Variants in ADAMTSL1 observed in about 807,000 individuals in gnomAD.
ADAMTSL1 encodes ADAMTS-like protein 1.
A neutral mutation model predicts 201.8 loss-of-function variants in ADAMTSL1; 126 were observed. The ratio of observed to expected loss-of-function variants is 0.62; its 90% CI spans 0.54 to 0.72. The LOEUF (loss-of-function observed/expected upper bound fraction) is 0.72, where lower values mean the gene tolerates loss of function less well. Among genes scored for constraint, ADAMTSL1 ranks in the 30% least tolerant of loss-of-function variants. The pLI, the probability that ADAMTSL1 is intolerant of heterozygous loss-of-function variation, is 0.00. For missense variants in ADAMTSL1, 2,679 were observed against 2,277.8 expected (o/e 1.18, Z -3.59); for synonymous variants, 1,121 against 903.4 (o/e 1.24, Z -4.32).
At chr9:18,446,117 T>C (rs1461912726) in intron 2 of ADAMTSL1, among the ~76,000 whole-genome samples, 2 of 152,118 alleles carry the variant, frequency 1.3e-5, no homozygotes, top group Non-Finnish European at 2.9e-5. Flanking sequence ...ATTAGCTCAA[T>C]TGTGCGATTA....
chr9:18,419,601 C>T (rs1314432457), intron 2 of ADAMTSL1, among the ~76,000 whole-genome samples: 1 of 152,132 alleles, frequency 6.6e-6, no homozygotes, highest in Non-Finnish European at 1.5e-5. Flanking sequence ...CTGTGGAATA[C>T]TACTTAACAA....
chr9:17,999,629 G>A (rs558224383), intron 1 of ADAMTSL1, among the ~76,000 whole-genome samples: 2 of 149,568 alleles, frequency 1.3e-5, no homozygotes, highest in Non-Finnish European at 3.0e-5. Context: ...TATACTTTAA[G>A]TTTTAGGGTA....
chr9:18,138,443 A>G (rs1469450608), intron 1 of ADAMTSL1, among the ~76,000 whole-genome samples: 2 of 152,188 alleles, frequency 1.3e-5, no homozygotes, highest in Non-Finnish European at 2.9e-5. Context: ...AGGAGGCTGT[A>G]GGTTTGCAAA....
chr9:18,238,237 T>G (rs535571529), intron 2 of ADAMTSL1, among the ~76,000 whole-genome samples: 1 of 152,226 alleles, frequency 6.6e-6, no homozygotes, highest in Non-Finnish European at 1.5e-5. Flanking sequence ...GATTCTCCTA[T>G]ATAGTTTTGA....
intron 7 of ADAMTSL1, among the ~76,000 whole-genome samples, chr9:18,644,017 A>G (rs1200816636): frequency 6.6e-6 from 1 of 151,908 alleles, no homozygotes; most frequent in Non-Finnish European, 1.5e-5. Flanking sequence ...ATAACACATG[A>G]TATCTTTCCA....
rs766567659 is a variant in ADAMTSL1 at position 18,636,002 on chromosome 9, G to T, written c.661G>T (p.Gly221Cys). 6.3e-7 allele frequency: 1 copy of T among 1,597,910 alleles called. No homozygotes were observed. The highest frequency in any genetic ancestry group is 8.5e-7 in the Non-Finnish European group (1 of 1,176,216). ...GSRHIRLVLK[G>C]PDHLYLETKT... ...TAGACATATTCGCCTTGTCTTAAAA[G>T]GTCCTGATCACTTATGTAAGTAACT... Residue 221 changes from glycine to cysteine, a missense_variant, in exon 6 of 29, where the codon GGT (glycine) becomes TGT (cysteine). Transcript: ENST00000380548.
intron 2 of ADAMTSL1, among the ~76,000 whole-genome samples, chr9:18,307,318 A>T (rs1833948149): frequency 6.6e-6 from 1 of 152,192 alleles, no homozygotes; most frequent in African/African-American, 2.4e-5. Flanking sequence ...TACCATCATA[A>T]TGACAGGGTC....
intron 1 of ADAMTSL1, among the ~76,000 whole-genome samples, chr9:18,053,340 A>G (rs981621637): frequency 6.6e-6 from 1 of 151,966 alleles, no homozygotes; most frequent in African/African-American, 2.4e-5. Context: ...TTGCACTTTC[A>G]TTCTCTCTCT....
intron 2 of ADAMTSL1, among the ~76,000 whole-genome samples, chr9:18,451,756 T>A (rs1286031726): frequency 3.3e-5 from 5 of 152,236 alleles, no homozygotes; most frequent in Admixed American, 2.0e-4. Flanking sequence ...TACTACAGGC[T>A]ACGTAATTTA....
chr9:18,644,536 C>G lies in ADAMTSL1; in HGVS notation c.834+5125C>G, dbSNP rs544377511. On this transcript the variant is annotated intron_variant, in intron 7 of 28. Coordinates refer to ENST00000380548, the MANE Select transcript of ADAMTSL1 (RefSeq NM_001040272.6). ...ATATCTCCTAATGCTATCCCTCCCC[C>G]CTACCCCCACCCCACAACAGTCCCC... Among the ~76,000 whole-genome samples, 11 of 151,964 alleles carry G rather than the reference C, an allele frequency of 7.2e-5. No individual in the cohort carries two copies. The East Asian group carries it at 1.2e-3, about 16-fold the overall frequency.
intron 15 of ADAMTSL1, among the ~76,000 whole-genome samples, chr9:18,724,809 C>T (rs1460229341): frequency 6.6e-6 from 1 of 152,192 alleles, no homozygotes; most frequent in Non-Finnish European, 1.5e-5. Flanking sequence ...TCTGCATCCT[C>T]CTTATCCCTT....
chr9:18,163,421 C>G (rs1339493089), intron 1 of ADAMTSL1, among the ~76,000 whole-genome samples: 1 of 151,936 alleles, frequency 6.6e-6, no homozygotes, highest in Non-Finnish European at 1.5e-5. Context: ...TGGGCTCAGG[C>G]CAGGCTTTTC....
In ADAMTSL1 at chr9:18,865,436, A is replaced by G. The variant is rs12338857; in HGVS notation, c.4250-22395A>G. Among the ~76,000 whole-genome samples the G allele has an allele frequency of 6.5e-3, 990 of 152,242 alleles. 11 individuals carry two copies. Among genetic ancestry groups the G allele is most frequent in the African/African-American group, 0.022 (898 of 41,534 alleles). On this transcript the variant is annotated intron_variant, in intron 23 of 28. Transcript: ENST00000380548. Reference sequence around the variant, plus strand: ...GTGCCACATTTTCTTAATCCAGTCTATCGTTGTTGGACATTTGGGTTGGTT... The same window carrying G: ...GTGCCACATTTTCTTAATCCAGTCTGTCGTTGTTGGACATTTGGGTTGGTT...
intron 2 of ADAMTSL1, among the ~76,000 whole-genome samples, chr9:18,459,623 G>C (rs1222387841): frequency 6.6e-6 from 1 of 152,082 alleles, no homozygotes; most frequent in Non-Finnish European, 1.5e-5. Flanking sequence ...ACCCCATCTG[G>C]CTTAGTTAAT....
chr9:18,839,341 T>G (rs982722273), intron 23 of ADAMTSL1, among the ~76,000 whole-genome samples: 1 of 152,158 alleles, frequency 6.6e-6, no homozygotes, highest in Non-Finnish European at 1.5e-5. Flanking sequence ...ATTTCATGCA[T>G]GTCCCTACAA....
At chr9:18,645,115 G>C (rs1352113398) in intron 7 of ADAMTSL1, among the ~76,000 whole-genome samples, 1 of 152,094 alleles carries the variant, frequency 6.6e-6, no homozygotes, top group Non-Finnish European at 1.5e-5. Flanking sequence ...TTGTGGTTTT[G>C]ATTTGCATTT....
At chr9:18,559,307 AGGT>A (rs1277176792) in intron 3 of ADAMTSL1, among the ~76,000 whole-genome samples, 5 of 152,178 alleles carry the variant, frequency 3.3e-5, no homozygotes, top group African/African-American at 1.2e-4. Flanking sequence ...GTCAAAGATC[AGGT>A]GGTTGTAGAT....
chr9:18,806,285 T>C (rs1823112291), intron 20 of ADAMTSL1, among the ~76,000 whole-genome samples: 1 of 152,256 alleles, frequency 6.6e-6, no homozygotes, highest in South Asian at 2.1e-4. Context: ...TTTTGTACTT[T>C]GGGCCAAGAA....
chr9:18,240,841 T>C (rs1831032584), intron 2 of ADAMTSL1, among the ~76,000 whole-genome samples: 1 of 152,210 alleles, frequency 6.6e-6, no homozygotes, highest in South Asian at 2.1e-4. Flanking sequence ...TGCTTTACCT[T>C]GCATTTTTCT....
Sources: gnomAD v4.1 joint callset for allele counts (sites outside exome capture counted in the v4.1 genomes callset) on GRCh38, gnomAD v4.1.1 for gene constraint, MANE v1.5 for transcripts, NCBI Gene and HGNC (gene_info 2026-07-23, HGNC 2026-07-21) for gene names.